Variants in BRF1 observed in about 807,000 individuals in gnomAD.
The protein encoded by BRF1 is transcription factor IIIB 90 kDa subunit.
BRF1 carries 59 observed loss-of-function variants against 81.7 expected under a neutral mutation model. That is an observed-to-expected ratio of 0.72 (90% CI 0.59 to 0.90). The LOEUF (loss-of-function observed/expected upper bound fraction) is 0.90, where lower values mean the gene tolerates loss of function less well. Among genes scored for constraint, BRF1 ranks in the 40% least tolerant of loss-of-function variants. The pLI, the probability that BRF1 is intolerant of heterozygous loss-of-function variation, is 0.00. For synonymous variants in BRF1, 491 were observed against 395.6 expected, an observed-to-expected ratio of 1.24 and a Z score of -2.86; for missense variants, 1,050 against 936.3, an observed-to-expected ratio of 1.12 and a Z score of -1.58.
At chr14:105,252,863 C>A (rs2055687116) in intron 4 of BRF1, among the ~76,000 whole-genome samples, 1 of 152,242 alleles carries the variant, frequency 6.6e-6, no homozygotes. Flanking sequence ...GGCGTCATCA[C>A]ACGGTGCACG....
Position 105,286,338 on chromosome 14 carries a change from C to T in BRF1, c.223G>A (p.Val75Met), listed in dbSNP as rs144673138. 9.5e-4 allele frequency: 1,530 copies of T among 1,613,748 alleles called. 1 individual carries two copies. The highest frequency in any genetic ancestry group is 1.2e-3 in the Non-Finnish European group (1,414 of 1,179,910). Reference sequence around the variant, plus strand: ...GCTCTCGACTCCTTCCCCAGATTCACGTGGAAGCCGCCACCCAGAGTCGGG... The same window carrying T: ...GCTCTCGACTCCTTCCCCAGATTCATGTGGAAGCCGCCACCCAGAGTCGGG... ...KTPTLGGGFH[V>M]NLGKESRAQT... Residue 75 changes from valine to methionine, a missense_variant, in exon 2 of 18, where the codon GTG becomes ATG. Physicochemically the swap from Val to Met is conservative, Grantham distance 21. Around this residue, in one of 2 missense-constraint regions of BRF1, gnomAD observed 1,043 missense variants for 915.4 expected, o/e 1.14. Transcript: ENST00000547530.
chr14:105,210,243 G>T lies in BRF1; in HGVS notation c.*308C>A. On this transcript the variant is annotated 3_prime_UTR_variant, in exon 18 of 18. Coordinates refer to ENST00000547530, the MANE Select transcript of BRF1 (RefSeq NM_001519.4). This position sits in a 1 kb window ranked among gnomAD's most constrained non-coding sequence, Gnocchi z 4.7. ...CCCCAAGCCTGTTTCCTTAATAGTA[G>T]CAACACCACACTGCCAGCCTTGGAG... 2 of 428,614 alleles carry T rather than the reference G, an allele frequency of 4.7e-6. No homozygotes were observed. Among genetic ancestry groups the T allele is most frequent in the South Asian group, 4.7e-5 (2 of 42,348 alleles). 26.6% of individuals were successfully genotyped at this position (428,614 alleles called of 1,614,324 possible). A position where few individuals can be genotyped will look rare whatever the true frequency, so the allele number is the denominator to read the frequency against.
At chr14:105,211,953 G>C in intron 16 of BRF1, 160 bp downstream of exon 16, 5 of 1,089,844 alleles carry the variant, frequency 4.6e-6, no homozygotes, top group Non-Finnish European at 6.6e-6. Context: ...CCCACCCTCG[G>C]GCCTCGATTC....
At position 105,269,938 on chromosome 14, in the gene BRF1, C is replaced by T. The variant is rs1270397988; in HGVS notation, c.439+2783G>A. Among the ~76,000 whole-genome samples the T allele has an allele frequency of 6.6e-6, 1 of 152,154 alleles. No homozygotes were observed. The highest frequency in any genetic ancestry group is 1.5e-5 in the Non-Finnish European group (1 of 68,026). On this transcript the variant is annotated intron_variant, in intron 3 of 17. Coordinates refer to ENST00000547530, the MANE Select transcript of BRF1 (RefSeq NM_001519.4). The surrounding 1 kb of genome is among the most constrained non-coding windows in gnomAD (Gnocchi z 5.0). ...CCTGGGCTCTGCTCAGCTTCTCGCT[C>T]AGGACCTTGGTCTGCTTCTAAGAGA...
intron 1 of BRF1, chr14:105,314,831 GCCGCCCTCCGCGCGCCCGGC>G (rs908607339): frequency 4.4e-5 from 19 of 429,642 alleles, no homozygotes; most frequent in East Asian, 1.6e-4. Flanking sequence ...TGACCGCGCC[GCCGCCCTCCGCGCGCCCGGC>G]CCGCCCGCCG....
At chr14:105,275,120 G>C (rs780509150) in intron 2 of BRF1, among the ~76,000 whole-genome samples, 69 of 152,318 alleles carry the variant, frequency 4.5e-4, no homozygotes, top group Non-Finnish European at 1.3e-4. Flanking sequence ...TTTTGCTCAC[G>C]CCAAACTTCA....
At chr14:105,252,798 C>T (rs927581624) in intron 4 of BRF1, among the ~76,000 whole-genome samples, 9 of 152,224 alleles carry the variant, frequency 5.9e-5, no homozygotes. Flanking sequence ...GTGCTGCCGT[C>T]TCGCCAATGA....
At chr14:105,283,694 T>C (rs1275547089) in intron 2 of BRF1, among the ~76,000 whole-genome samples, 3 of 152,242 alleles carry the variant, frequency 2.0e-5, no homozygotes, top group Non-Finnish European at 2.9e-5. Context: ...GCACCGACAC[T>C]ACTCTTTGCA....
At chr14:105,226,927 A>C (rs587630024) in intron 7 of BRF1, 167 bp from the exon 8 acceptor site, 2 of 861,692 alleles carry the variant, frequency 2.3e-6, no homozygotes, top group Admixed American at 2.9e-5. Flanking sequence ...TAGGCAACAC[A>C]GTGAGACTCT....
intron 2 of BRF1, among the ~76,000 whole-genome samples, chr14:105,275,620 AAGAG>A (rs976532884): frequency 4.6e-5 from 7 of 152,202 alleles, no homozygotes; most frequent in Non-Finnish European, 1.0e-4. Context: ...AATAAAAGGT[AAGAG>A]AGAGGTACTC....
rs1427142363 is a variant in BRF1 at position 105,315,112 on chromosome 14, C to G, written c.-162+210G>C. 3.2e-6 allele frequency: 3 copies of G among 926,736 alleles called. No homozygotes were observed. Among genetic ancestry groups the G allele is most frequent in the Non-Finnish European group, 1.3e-6 (1 of 763,944 alleles). 57.4% of individuals were successfully genotyped at this position (926,736 alleles called of 1,614,324 possible). A position where few individuals can be genotyped will look rare whatever the true frequency, so the allele number is the denominator to read the frequency against. ...GTCCTGGCCGCGGCCTCTGCGCGCC[C>G]CATCCCCGGCCCGGGTCCCCCAGCG... On this transcript the variant is annotated intron_variant, in intron 1 of 17. Transcript: ENST00000327359. The surrounding 1 kb of genome is among the most constrained non-coding windows in gnomAD (Gnocchi z 4.4).
intron 12 of BRF1, chr14:105,219,800 T>A (rs1431553598): frequency 5.4e-6 from 3 of 550,512 alleles, no homozygotes; most frequent in Non-Finnish European, 9.8e-6. Context: ...TTGTGCGATG[T>A]GTGCCTGCTG....
chr14:105,262,966 C>G (rs1170325374), intron 3 of BRF1, among the ~76,000 whole-genome samples: 1 of 151,572 alleles, frequency 6.6e-6, no homozygotes, highest in African/African-American at 2.4e-5. Context: ...AGTGGCTGGA[C>G]ACGGTGGCTC....
At chr14:105,304,053 T>C (rs1367764599), upstream of BRF1, among the ~76,000 whole-genome samples, 5 of 152,206 alleles carry the variant, frequency 3.3e-5, no homozygotes, top group African/African-American at 4.8e-5. Context: ...GTGAGGTGCC[T>C]GCAGGTGCAA....
chr14:105,212,164 C>G lies in BRF1; in HGVS notation c.1773G>C (p.Arg591Ser). Residue 591 changes from arginine (R) to serine (S), a missense_variant and splice_region_variant, in exon 16 of 18, where the codon AGG (arginine) becomes AGC (serine). Arg to Ser is a moderately radical substitution (Grantham distance 110, BLOSUM62 -1). Around this residue, in one of 2 missense-constraint regions of BRF1, gnomAD observed 1,043 missense variants for 915.4 expected, o/e 1.14. Transcript: ENST00000547530. ...GADPVTSVGK[R>S]LRPLVSTQPA... ...GCTGCGTAGACACCAGAGGCCTCAA[C>G]CTGCAAAAGGAAGCACAGCATGGCG... is the stretch of plus-strand genomic sequence containing the variant. The G allele has an allele frequency of 6.2e-7, 1 of 1,612,032 alleles. No individual in the cohort carries two copies. The highest frequency in any genetic ancestry group is 8.5e-7 in the Non-Finnish European group (1 of 1,179,298).
chr14:105,296,924 A>T (rs587670423), intron 1 of BRF1, among the ~76,000 whole-genome samples: 1 of 152,054 alleles, frequency 6.6e-6, no homozygotes, highest in South Asian at 2.1e-4. Context: ...GAGAGGCTGA[A>T]GTGGGGGGGG....
At chr14:105,297,024 G>T (rs1375357047) in intron 1 of BRF1, among the ~76,000 whole-genome samples, 1 of 151,738 alleles carries the variant, frequency 6.6e-6, no homozygotes, top group Non-Finnish European at 1.5e-5. Context: ...CAGGCGTGGT[G>T]GTGGGCTCCT....
chr14:105,300,360 G>A, intron 1 of BRF1, 86 bp downstream of exon 1: 1 of 1,350,012 alleles, frequency 7.4e-7, no homozygotes, highest in Non-Finnish European at 9.6e-7. Context: ...CGGTACCGAG[G>A]CGCTGGTCCC....
rs200784595 is a variant in BRF1 at position 105,217,685 on chromosome 14, C to T, written c.1631G>A (p.Arg544Gln). 1.4e-5 allele frequency: 23 copies of T among 1,613,386 alleles called. No homozygotes were observed. The highest frequency in any genetic ancestry group is 1.3e-4 in the African/African-American group (10 of 75,070). The change falls in exon 15 of 18, where the codon CGG becomes CAG. Residue 544 changes from arginine to glutamine, a missense_variant. This residue lies in a region of BRF1 where 1,043 missense variants were observed against 915.4 expected (regional missense o/e 1.14). Coordinates refer to ENST00000547530, the MANE Select transcript of BRF1 (RefSeq NM_001519.4). The stretch of plus-strand genomic sequence containing the variant: ...GCCCCCGCCGGCGCTGCTGAGGCCC[C>T]GGAGCACGCTATAATTGATCTTGCT... Reference protein sequence around the residue: ...ISSKINYSVLRGLSSAGGGSP... With the variant: ...ISSKINYSVLQGLSSAGGGSP...
Sources: allele counts gnomAD v4.1 joint callset (sites outside exome capture counted in the v4.1 genomes callset), GRCh38; gene constraint gnomAD v4.1.1; regional missense constraint gnomAD v4.1.1; non-coding constraint Gnocchi (gnomAD v3.1); transcripts MANE v1.5; gene names NCBI Gene and HGNC (gene_info 2026-07-23, HGNC 2026-07-21).